NBAS: variants seen among roughly 807,000 people sequenced by gnomAD.
NBAS encodes NBAS subunit of NRZ tethering complex.
In NBAS, 219 loss-of-function variants were observed where a neutral mutation model predicts 302.5. The observed-to-expected ratio is 0.72, with a 90% CI of 0.65 to 0.81. The LOEUF is 0.81. NBAS is among the 30% of genes least tolerant of loss of function. NBAS has a pLI of 0.00. For missense variants in NBAS, 2,932 were observed against 2,841.6 expected (o/e 1.03, Z -0.72); for synonymous variants, 1,118 against 1,021.6 (o/e 1.09, Z -1.80).
the NBAS span, among the ~76,000 whole-genome samples, chr2:14,879,185 T>C: frequency 6.6e-6 from 1 of 152,222 alleles, no homozygotes; most frequent in Admixed American, 6.5e-5. Flanking sequence ...GGATATACCA[T>C]AGTTTATCTA....
chr2:15,013,856 A>G, the NBAS span, among the ~76,000 whole-genome samples: 3 of 152,014 alleles, frequency 2.0e-5, no homozygotes, highest in East Asian at 1.9e-4. Context: ...TCAAAACCCA[A>G]CTATATGCTG....
the NBAS span, among the ~76,000 whole-genome samples, chr2:14,779,421 A>G: frequency 1.3e-5 from 2 of 152,154 alleles, no homozygotes; most frequent in Non-Finnish European, 2.9e-5. Flanking sequence ...GCAAAGCCCA[A>G]GGTCAGCAGG....
chr2:14,971,764 A>G, the NBAS span, among the ~76,000 whole-genome samples: 1 of 152,184 alleles, frequency 6.6e-6, no homozygotes, highest in African/African-American at 2.4e-5. Context: ...GGAGTCATGA[A>G]CTTCACATCT....
chr2:15,069,827 A>G, the NBAS span, among the ~76,000 whole-genome samples: 1 of 152,334 alleles, frequency 6.6e-6, no homozygotes, highest in African/African-American at 2.4e-5. Context: ...GTCTGTGAAC[A>G]TTTGTTAAAA....
At chr2:15,370,733 CT>C (rs1265996218) in intron 31 of NBAS, among the ~76,000 whole-genome samples, 2 of 152,210 alleles carry the variant, frequency 1.3e-5, no homozygotes, top group Non-Finnish European at 2.9e-5. Context: ...GGCCCCTTTG[CT>C]TTGGCCAATT....
the NBAS span, among the ~76,000 whole-genome samples, chr2:15,127,334 T>TCC: frequency 1.3e-5 from 2 of 152,294 alleles, no homozygotes; most frequent in South Asian, 4.2e-4. Context: ...ACCCCAAAGT[T>TCC]ACACCAAGAA....
rs1467726889 is a variant in NBAS, at chr2:15,536,429, ACTT to A, written c.633_635del (p.Arg211del). Reference sequence around the variant, plus strand: ...AAGCACATTTTTACCTTACAAGGTAACTTCTAAGTTCTCCTCGGTAATTGATGA... The same window carrying A: ...AAGCACATTTTTACCTTACAAGGTAACTAAGTTCTCCTCGGTAATTGATGA... On this transcript the variant is annotated inframe_deletion, in exon 8 of 52. Transcript: ENST00000281513. 2 of 1,613,436 alleles carry A rather than the reference ACTT, an allele frequency of 1.2e-6. No individual in the cohort carries two copies. The highest frequency in any genetic ancestry group is 1.7e-6 in the Non-Finnish European group (2 of 1,179,952).
chr2:14,819,049 G>GCTTCCTGTGC, the NBAS span, among the ~76,000 whole-genome samples: 1 of 152,194 alleles, frequency 6.6e-6, no homozygotes, highest in South Asian at 2.1e-4. Flanking sequence ...AGGCTCTGTG[G>GCTTCCTGTGC]CTTCCTGTGC....
At chr2:15,440,859 G>T (rs1678353297) in intron 21 of NBAS, among the ~76,000 whole-genome samples, 1 of 151,934 alleles carries the variant, frequency 6.6e-6, no homozygotes, top group African/African-American at 2.4e-5. Flanking sequence ...CGTGAAGAAT[G>T]CAGAAGCCTC....
the NBAS span, among the ~76,000 whole-genome samples, chr2:14,821,205 G>A: frequency 1.3e-5 from 2 of 152,128 alleles, no homozygotes; most frequent in African/African-American, 2.4e-5. Context: ...GATTACAGGC[G>A]TGAGCCACCG....
the NBAS span, among the ~76,000 whole-genome samples, chr2:15,081,902 G>A: frequency 6.6e-6 from 1 of 152,228 alleles, no homozygotes; most frequent in African/African-American, 2.4e-5. Flanking sequence ...TCAGGCACAT[G>A]TGGGTTAGAA....
chr2:15,122,544 C>CT, the NBAS span, among the ~76,000 whole-genome samples: 1 of 152,072 alleles, frequency 6.6e-6, no homozygotes, highest in Non-Finnish European at 1.5e-5. Context: ...ATCTCCAACA[C>CT]TGGGGGTCAC....
chr2:15,146,747 A>G, the NBAS span, among the ~76,000 whole-genome samples: 1 of 152,110 alleles, frequency 6.6e-6, no homozygotes, highest in African/African-American at 2.4e-5. Context: ...TCTGGCCCCT[A>G]TCCCCGTGGG....
chr2:15,153,113 C>A, the NBAS span, among the ~76,000 whole-genome samples: 1 of 152,026 alleles, frequency 6.6e-6, no homozygotes, highest in East Asian at 1.9e-4. Flanking sequence ...GAATAATTTC[C>A]AAAAGTGGAG....
chr2:15,556,865 A>G, intron 2 of NBAS, 46 bp from the exon 3 acceptor site: 1 of 1,455,204 alleles, frequency 6.9e-7, no homozygotes, highest in Non-Finnish European at 9.6e-7. Context: ...TCAGCTGTTA[A>G]GAATCATTTT....
intron 12 of NBAS, among the ~76,000 whole-genome samples, chr2:15,484,976 A>C (rs1680563968): frequency 6.6e-6 from 1 of 152,170 alleles, no homozygotes; most frequent in Non-Finnish European, 1.5e-5. Context: ...AAAACATCCA[A>C]GTGATTGATT....
At chr2:14,847,875 G>A in the NBAS span, among the ~76,000 whole-genome samples, 4 of 152,184 alleles carry the variant, frequency 2.6e-5, no homozygotes, top group African/African-American at 9.6e-5. Flanking sequence ...CAGGCCATAT[G>A]TTAGGTCACA....
intron 26 of NBAS, among the ~76,000 whole-genome samples, chr2:15,396,757 ATTGT>A (rs1298931501): frequency 1.1e-4 from 17 of 152,074 alleles, no homozygotes; most frequent in African/African-American, 3.9e-4. Flanking sequence ...ATATAAATCG[ATTGT>A]TTATTTAAGA....
the NBAS span, among the ~76,000 whole-genome samples, chr2:15,057,018 T>A: frequency 1.2e-4 from 18 of 151,856 alleles, no homozygotes; most frequent in Non-Finnish European, 2.4e-4. Flanking sequence ...TTAGTAGAGA[T>A]GGGGTTTCAC....
Sources: gnomAD v4.1 joint callset for allele counts (sites outside exome capture counted in the v4.1 genomes callset) on GRCh38, gnomAD v4.1.1 for gene constraint, MANE v1.5 for transcripts, NCBI Gene and HGNC (gene_info 2026-07-23, HGNC 2026-07-21) for gene names.